Variants in DENND2C observed in about 807,000 individuals in gnomAD.
DENND2C encodes the protein DENN domain containing 2C.
DENND2C carries 72 observed loss-of-function variants against 112.4 expected under a neutral mutation model. The observed-to-expected ratio is 0.64, with a 90% confidence interval of 0.53 to 0.78. The LOEUF (loss-of-function observed/expected upper bound fraction) is 0.78. Among genes scored for constraint, DENND2C ranks in the 30% least tolerant of loss-of-function variants. The pLI, the probability that DENND2C is intolerant of heterozygous loss-of-function variation, is 0.00. For missense variants in DENND2C, 992 were observed against 1,113.8 expected (o/e 0.89, Z 1.56); for synonymous variants, 329 against 381.6 (o/e 0.86, Z 1.61).
intron 3 of DENND2C, among the ~76,000 whole-genome samples, chr1:114,641,916 T>C (rs1020947139): frequency 7.2e-5 from 11 of 152,012 alleles, no homozygotes; most frequent in Admixed American, 2.6e-4. Context: ...ACTAAACTAG[T>C]TTCCGGTATA....
At position 114,626,191 on chromosome 1, in the gene DENND2C, G is replaced by A. The variant is rs1057404676; in HGVS notation, c.-204-3C>T. The A allele has an allele frequency of 4.1e-6, 2 of 490,756 alleles. No homozygotes were observed. Among genetic ancestry groups the A allele is most frequent in the Non-Finnish European group, 7.1e-6 (2 of 282,994 alleles). The allele number at this position is 490,756 out of a possible 1,614,324, so 30.4% of individuals were successfully genotyped here. A position where few individuals can be genotyped will look rare whatever the true frequency, so the allele number is the denominator to read the frequency against. ...CTACAACCTGATCTTGAATAATCCT[G>A]TTAAAATGACACAAAAATATGTTAA... On this transcript the variant is annotated splice_region_variant and splice_polypyrimidine_tract_variant and intron_variant, in intron 3 of 20. Transcript: ENST00000393274.
chr1:114,633,439 C>CAA (rs780884019), intron 3 of DENND2C, among the ~76,000 whole-genome samples: 531 of 48,226 alleles, frequency 0.011, 7 homozygotes, highest in African/African-American at 0.017. Flanking sequence ...GACCCTATCT[C>CAA]AAAAAAAAAA....
At chr1:114,603,515 C>T (rs1655577167) in intron 11 of DENND2C, among the ~76,000 whole-genome samples, 1 of 150,678 alleles carries the variant, frequency 6.6e-6, no homozygotes, top group Non-Finnish European at 1.5e-5. Flanking sequence ...TACCTTCTTT[C>T]CTCCCTCCCT....
chr1:114,647,358 G>C (rs1657022323), intron 2 of DENND2C, among the ~76,000 whole-genome samples: 1 of 150,230 alleles, frequency 6.7e-6, no homozygotes, highest in African/African-American at 2.5e-5. Flanking sequence ...AGTACAATGT[G>C]ATTTTTTTTT....
At chr1:114,656,048 A>G (rs1197334984) in intron 1 of DENND2C, among the ~76,000 whole-genome samples, 2 of 151,770 alleles carry the variant, frequency 1.3e-5, no homozygotes, top group Non-Finnish European at 2.9e-5. Flanking sequence ...GTTATTACGA[A>G]GAAAGCTGTT....
chr1:114,600,848 T>C lies in DENND2C; in HGVS notation c.1928A>G (p.Lys643Arg). 1.2e-6 allele frequency: 2 copies of C among 1,613,970 alleles called. No individual in the cohort carries two copies. Among genetic ancestry groups the C allele is most frequent in the Non-Finnish European group, 1.7e-6 (2 of 1,179,912 alleles). ...FPAPGRTITV[K>R]SYLPGAGDES... ...ATCTCCAGCCCCAGGGAGGTAACTC[T>C]TAACTGTGATGGTGCGTCCAGGAGC... The change falls in exon 14 of 21, where the codon AAG becomes AGG. Residue 643 changes from lysine to arginine, a missense_variant. Physicochemically the swap from Lys to Arg is conservative, Grantham distance 26. Around this residue, in one of 3 missense-constraint regions of DENND2C, gnomAD observed 516 missense variants for 623.6 expected, o/e 0.83. Transcript: ENST00000393274.
rs1657255706 is a variant in DENND2C at position 114,654,588 on chromosome 1, C to T, written c.-400G>A. The T allele has an allele frequency of 6.6e-6, 1 of 152,072 alleles. No individual in the cohort carries two copies. The highest frequency in any genetic ancestry group is 1.5e-5 in the Non-Finnish European group (1 of 68,028). The allele number at this position is 152,072 out of a possible 1,614,324, so 9.4% of individuals were successfully genotyped here. On this transcript the variant is annotated 5_prime_UTR_variant, in exon 2 of 21. Coordinates refer to ENST00000393274, the MANE Select transcript of DENND2C (RefSeq NM_001256404.2). ...ATTAAAACAGCAAGAACAGTGATTA[C>T]ACTTCATTAAATATTTTGTTAAATA...
intron 3 of DENND2C, among the ~76,000 whole-genome samples, chr1:114,639,505 C>A (rs1197117445): frequency 6.6e-6 from 1 of 151,370 alleles, no homozygotes; most frequent in African/African-American, 2.4e-5. Context: ...TTGCTTGAAC[C>A]CATGAGGTGG....
Position 114,622,999 on chromosome 1 carries a change from A to C in DENND2C, c.1044T>G (p.Phe348Leu). 1 of 1,612,116 alleles carries C rather than the reference A, an allele frequency of 6.2e-7. No individual in the cohort carries two copies. The highest frequency in any genetic ancestry group is 8.5e-7 in the Non-Finnish European group (1 of 1,178,984). The change falls in exon 6 of 21, where the codon TTT becomes TTG. Residue 348 changes from phenylalanine (F) to leucine (L), a missense_variant. Phe to Leu is a conservative substitution (Grantham distance 22, BLOSUM62 0). Around this residue, in one of 3 missense-constraint regions of DENND2C, gnomAD observed 470 missense variants for 472.7 expected, o/e 0.99. Coordinates refer to ENST00000393274, the MANE Select transcript of DENND2C (RefSeq NM_001256404.2). ...AWKLPPAKSA[F>L]KAPKLPPKPQ... is the part of the protein sequence containing the mutation. ...TATCTGGTTATACCTTGGGTGCTTT[A>C]AAAGCACTTTTAGCGGGTGGTAGCT... is the stretch of plus-strand genomic sequence containing the variant.
chr1:114,653,743 C>A (rs1657232856), intron 2 of DENND2C, among the ~76,000 whole-genome samples: 1 of 151,946 alleles, frequency 6.6e-6, no homozygotes, highest in African/African-American at 2.4e-5. Context: ...AAGTAAAACC[C>A]TAGTAAATGT....
chr1:114,666,484 T>C lies in DENND2C; in HGVS notation c.-574+3499A>G, dbSNP rs111335215. Among the ~76,000 whole-genome samples the C allele has an allele frequency of 7.3e-3, 1,114 of 152,290 alleles. 7 individuals are homozygous for C. The highest frequency in any genetic ancestry group is 0.024 in the African/African-American group (1,013 of 41,546). On this transcript the variant is annotated intron_variant, in intron 1 of 20. Coordinates refer to ENST00000393274, the MANE Select transcript of DENND2C (RefSeq NM_001256404.2). Reference sequence around the variant, plus strand: ...TCATAACTTTTTTTTTTAAAGACAGTCTCACTCTGTTGCCAGGCTGGAGTG... The same window carrying C: ...TCATAACTTTTTTTTTTAAAGACAGCCTCACTCTGTTGCCAGGCTGGAGTG...
chr1:114,625,099 T>C, intron 4 of DENND2C, 80 bp downstream of exon 4: 2 of 1,389,220 alleles, frequency 1.4e-6, no homozygotes, highest in Non-Finnish European at 1.9e-6. Context: ...AAATGGAAAC[T>C]GGTTTGAAAA....
intron 1 of DENND2C, among the ~76,000 whole-genome samples, chr1:114,656,686 G>A (rs531631569): frequency 2.7e-4 from 41 of 152,050 alleles, no homozygotes; most frequent in African/African-American, 9.4e-4. Flanking sequence ...ATGAGCCGCC[G>A]CACCCGGCCT....
intron 9 of DENND2C, among the ~76,000 whole-genome samples, chr1:114,610,483 C>T (rs558792401): frequency 3.9e-5 from 6 of 152,190 alleles, no homozygotes; most frequent in Admixed American, 1.3e-4. Context: ...GGCAGATCAA[C>T]GAGGTCAGGA....
rs372293446 is a variant in DENND2C, at chr1:114,625,716, T to C, written c.269A>G (p.His90Arg). Residue 90 changes from histidine (H) to arginine (R), a missense_variant, in exon 4 of 21, where the codon CAT becomes CGT. Coordinates refer to ENST00000393274, the MANE Select transcript of DENND2C (RefSeq NM_001256404.2). ...CTTATTTTCATTCTCACTTTGATCATGGCTTTTGGTATTTTCATTTATATC... is the reference window on the plus strand; with the variant it reads ...CTTATTTTCATTCTCACTTTGATCACGGCTTTTGGTATTTTCATTTATATC... ...GLDINENTKSHDQSENENKKH... is the reference protein window; with the variant it reads ...GLDINENTKSRDQSENENKKH... 1.1e-5 allele frequency: 18 copies of C among 1,613,998 alleles called. No homozygotes were observed. Among genetic ancestry groups the C allele is most frequent in the East Asian group, 1.1e-4 (5 of 44,884 alleles).
intron 9 of DENND2C, 111 bp from the exon 10 acceptor site, chr1:114,608,984 G>A (rs948538441): frequency 1.7e-6 from 2 of 1,172,560 alleles, no homozygotes; most frequent in Middle Eastern, 1.9e-4. Context: ...ACTGCTGAAT[G>A]AATGTTGAAT....
intron 1 of DENND2C, among the ~76,000 whole-genome samples, chr1:114,658,390 A>G (rs1657389695): frequency 6.6e-6 from 1 of 152,180 alleles, no homozygotes; most frequent in Non-Finnish European, 1.5e-5. Context: ...GAAAAGAAAG[A>G]TGCAAACCAG....
intron 1 of DENND2C, among the ~76,000 whole-genome samples, chr1:114,668,738 A>C (rs1657710951): frequency 6.6e-6 from 1 of 152,166 alleles, no homozygotes; most frequent in Admixed American, 6.5e-5. Context: ...AAGAACAAAA[A>C]CGTCTATAAT....
chr1:114,611,009 A>G (rs547409143), intron 9 of DENND2C, 64 bp downstream of exon 9: 9 of 1,566,706 alleles, frequency 5.7e-6, no homozygotes, highest in Non-Finnish European at 7.9e-6. Flanking sequence ...TCACAAAGGT[A>G]GGTGCCACTC....
Sources: gnomAD v4.1 joint callset for allele counts (sites outside exome capture counted in the v4.1 genomes callset) on GRCh38, gnomAD v4.1.1 for gene constraint, gnomAD v4.1.1 regional missense constraint, MANE v1.5 for transcripts, NCBI Gene and HGNC (gene_info 2026-07-23, HGNC 2026-07-21) for gene names.